Variants in PALM2AKAP2 observed in about 807,000 individuals in gnomAD.
PALM2AKAP2 encodes the protein PALM2-AKAP2 fusion protein.
PALM2AKAP2 carries 37 observed loss-of-function variants against 71.5 expected under a neutral mutation model. That is an observed-to-expected ratio of 0.52 (90% CI 0.40 to 0.68). The LOEUF (loss-of-function observed/expected upper bound fraction) is 0.68, where lower values mean the gene tolerates loss of function less well. Among genes scored for constraint, PALM2AKAP2 ranks in the 30% least tolerant of loss-of-function variants. The pLI is 0.00. For synonymous variants in PALM2AKAP2, 468 were observed against 478.8 expected, an observed-to-expected ratio of 0.98 and a Z score of 0.29; for missense variants, 1,224 against 1,191.8, an observed-to-expected ratio of 1.03 and a Z score of -0.40.
At chr9:110,040,178 T>G (rs916304237) in intron 7 of PALM2AKAP2, among the ~76,000 whole-genome samples, 4 of 152,226 alleles carry the variant, frequency 2.6e-5, no homozygotes, top group Non-Finnish European at 4.4e-5. Context: ...TTGTGGTTTC[T>G]AAAGTGATTT....
chr9:109,763,941 G>A (rs1829102004), intron 1 of PALM2AKAP2, among the ~76,000 whole-genome samples: 1 of 152,102 alleles, frequency 6.6e-6, no homozygotes, highest in Non-Finnish European at 1.5e-5. Flanking sequence ...AATTCAGGAT[G>A]ATTTATCTCA....
At chr9:110,087,790 T>G (rs571006436) in intron 1 of PALM2AKAP2, among the ~76,000 whole-genome samples, 72 of 152,246 alleles carry the variant, frequency 4.7e-4, no homozygotes, top group African/African-American at 1.7e-3. Context: ...GAGACAGTAG[T>G]GAGGAAGATG....
intron 3 of PALM2AKAP2, among the ~76,000 whole-genome samples, chr9:109,915,649 T>C (rs1051296942): frequency 2.0e-5 from 3 of 152,170 alleles, no homozygotes; most frequent in Non-Finnish European, 4.4e-5. Context: ...GAAGATTAAG[T>C]ATTATAATGT....
intron 1 of PALM2AKAP2, among the ~76,000 whole-genome samples, chr9:109,691,873 C>T (rs1007717602): frequency 1.1e-3 from 57 of 51,918 alleles, no homozygotes; most frequent in East Asian, 3.6e-3. Context: ...TATATACACA[C>T]ACACACACAT....
intron 7 of PALM2AKAP2, among the ~76,000 whole-genome samples, chr9:110,037,360 C>T (rs1270208173): frequency 6.6e-6 from 1 of 152,188 alleles, no homozygotes; most frequent in African/African-American, 2.4e-5. Context: ...ACATGCGCCA[C>T]CACGCCCAGC....
chr9:109,735,037 G>A (rs1324158027), intron 1 of PALM2AKAP2, among the ~76,000 whole-genome samples: 1 of 151,856 alleles, frequency 6.6e-6, no homozygotes, highest in Non-Finnish European at 1.5e-5. Context: ...TTCTCAAGGA[G>A]CATTGAGAAA....
chr9:109,872,755 G>T (rs1186186592), intron 2 of PALM2AKAP2, among the ~76,000 whole-genome samples: 1 of 152,182 alleles, frequency 6.6e-6, no homozygotes, highest in East Asian at 1.9e-4. Flanking sequence ...TTGCTACAAA[G>T]ATATTACAGT....
intron 1 of PALM2AKAP2, among the ~76,000 whole-genome samples, chr9:109,741,710 A>G (rs1828717996): frequency 6.6e-6 from 1 of 152,228 alleles, no homozygotes; most frequent in South Asian, 2.1e-4. Context: ...AAGATCGTGA[A>G]AGGATTTTCT....
chr9:110,046,949 G>A (rs1833610279), upstream of PALM2AKAP2, among the ~76,000 whole-genome samples: 1 of 152,088 alleles, frequency 6.6e-6, no homozygotes, highest in Non-Finnish European at 1.5e-5. Flanking sequence ...AAATAAATAA[G>A]TGATATCCAA....
chr9:110,121,037 T>C (rs1835475307), intron 1 of PALM2AKAP2, among the ~76,000 whole-genome samples: 1 of 152,236 alleles, frequency 6.6e-6, no homozygotes, highest in Admixed American at 6.5e-5. Context: ...CTCTGCTCTG[T>C]AGCTTTCTAT....
At chr9:110,086,442 C>T (rs964270377) in intron 1 of PALM2AKAP2, among the ~76,000 whole-genome samples, 2 of 152,186 alleles carry the variant, frequency 1.3e-5, no homozygotes, top group Non-Finnish European at 2.9e-5. Flanking sequence ...CTAAAGCATG[C>T]TTGATCAGAC....
chr9:109,670,921 T>A (rs1827563301), intron 1 of PALM2AKAP2, among the ~76,000 whole-genome samples: 1 of 152,250 alleles, frequency 6.6e-6, no homozygotes, highest in Admixed American at 6.5e-5. Context: ...TGTCTTCTTT[T>A]GAAAAATGTC....
At chr9:109,778,467 G>C (rs1244943564), upstream of PALM2AKAP2, among the ~76,000 whole-genome samples, 3 of 152,314 alleles carry the variant, frequency 2.0e-5, no homozygotes, top group East Asian at 5.8e-4. Context: ...GAAGAAAAAA[G>C]GATGCATTTG....
chr9:109,759,974 A>G (rs1010783883), intron 1 of PALM2AKAP2, among the ~76,000 whole-genome samples: 1 of 152,160 alleles, frequency 6.6e-6, no homozygotes, highest in East Asian at 1.9e-4. Flanking sequence ...AAATGTATAC[A>G]TGCATATAAT....
intron 7 of PALM2AKAP2, among the ~76,000 whole-genome samples, chr9:110,017,674 C>T (rs1397861595): frequency 6.6e-6 from 1 of 151,448 alleles, no homozygotes; most frequent in African/African-American, 2.4e-5. Context: ...TACAGACAGA[C>T]ATTCAAGTAG....
exon 1 of PALM2AKAP2, chr9:110,048,716 C>T: frequency 6.5e-7 from 1 of 1,547,894 alleles, no homozygotes; most frequent in African/African-American, 1.4e-5. Flanking sequence ...TGGCCCCAGC[C>T]CGGGGCTGCC....
chr9:109,922,921 C>CCAA (rs1290604027), intron 3 of PALM2AKAP2, among the ~76,000 whole-genome samples: 1 of 152,182 alleles, frequency 6.6e-6, no homozygotes, highest in Admixed American at 6.5e-5. Context: ...TGGGGATTCC[C>CCAA]TACTCACAGG....
intron 1 of PALM2AKAP2, among the ~76,000 whole-genome samples, chr9:109,768,211 G>C (rs1177801732): frequency 2.0e-5 from 3 of 151,608 alleles, no homozygotes; most frequent in Admixed American, 2.0e-4. Flanking sequence ...GGAGAAAAAA[G>C]GAAGGAAGGA....
At chr9:110,040,882 A>G (rs1224541192) in intron 7 of PALM2AKAP2, among the ~76,000 whole-genome samples, 1 of 152,196 alleles carries the variant, frequency 6.6e-6, no homozygotes, top group Non-Finnish European at 1.5e-5. Flanking sequence ...GTACATTCCA[A>G]GTATATTAGG....
Sources: gnomAD v4.1 joint callset for allele counts (sites outside exome capture counted in the v4.1 genomes callset) on GRCh38, gnomAD v4.1.1 for gene constraint, MANE v1.5 for transcripts, NCBI Gene and HGNC (gene_info 2026-07-23, HGNC 2026-07-21) for gene names.